Variants in HIVEP2 observed in about 807,000 individuals in gnomAD.
HIVEP2 encodes the protein HIVEP zinc finger 2.
A neutral mutation model predicts 180.7 loss-of-function variants in HIVEP2; 14 were observed. The ratio of observed to expected loss-of-function variants is 0.08; its 90% CI spans 0.05 to 0.12. The LOEUF (loss-of-function observed/expected upper bound fraction) is 0.12, where lower values mean the gene tolerates loss of function less well. Ranked by LOEUF, HIVEP2 falls within the 10% of genes least tolerant of loss-of-function variation. HIVEP2 has a pLI of 1.00. For synonymous variants in HIVEP2, 1,184 were observed against 1,136.4 expected, an observed-to-expected ratio of 1.04 and a Z score of -0.84; for missense variants, 2,579 against 3,008.5, an observed-to-expected ratio of 0.86 and a Z score of 3.34.
At chr6:142,925,036 C>T (rs1439295796) in intron 1 of HIVEP2, among the ~76,000 whole-genome samples, 1 of 152,188 alleles carries the variant, frequency 6.6e-6, no homozygotes, top group African/African-American at 2.4e-5. Context: ...TGTCTATTTA[C>T]TCTCTCTGTT....
In HIVEP2 at chr6:142,778,819, TTAAAA is replaced by T. The variant is rs560581279; in HGVS notation, c.-432-2633_-432-2629del. 2.0e-5 allele frequency among the ~76,000 whole-genome samples: 3 copies of T among 152,172 alleles called. No homozygotes were observed. In the South Asian group the frequency reaches 6.2e-4, roughly 32 times the overall value. On this transcript the variant is annotated intron_variant, in intron 3 of 9. Transcript: ENST00000367603. ...ACTCTCCATTAAGTTTTATTACAACTTAAAATAATACATCTTCAATAATATCTTCA... is the reference window on the plus strand; with the variant it reads ...ACTCTCCATTAAGTTTTATTACAACTTAATACATCTTCAATAATATCTTCA...
intron 2 of HIVEP2, among the ~76,000 whole-genome samples, chr6:142,823,055 A>C (rs1582890830): frequency 6.6e-6 from 1 of 152,194 alleles, no homozygotes. Flanking sequence ...AGGCAGTCTG[A>C]CAGCCAGTCA....
intron 2 of HIVEP2, among the ~76,000 whole-genome samples, chr6:142,793,652 C>CTT (rs1471466492): frequency 3.0e-4 from 19 of 62,912 alleles, no homozygotes; most frequent in Admixed American, 1.8e-3. Flanking sequence ...TTCTTTCTTT[C>CTT]TTTCTTTTTT....
intron 9 of HIVEP2, among the ~76,000 whole-genome samples, chr6:142,756,773 C>A (rs1775082464): frequency 6.6e-6 from 1 of 152,006 alleles, no homozygotes; most frequent in Non-Finnish European, 1.5e-5. Context: ...TCAGTAGATA[C>A]TGAATAAATG....
At chr6:142,900,217 T>C (rs753146397) in intron 1 of HIVEP2, among the ~76,000 whole-genome samples, 1 of 152,176 alleles carries the variant, frequency 6.6e-6, no homozygotes, top group Admixed American at 6.5e-5. Context: ...GGCAAATCAA[T>C]AGTCAAGTGG....
At chr6:142,872,790 G>C (rs544580117) in intron 1 of HIVEP2, among the ~76,000 whole-genome samples, 100 of 152,254 alleles carry the variant, frequency 6.6e-4, no homozygotes, top group African/African-American at 2.3e-3. Flanking sequence ...CCACGATTGA[G>C]GGTCATAAAA....
At chr6:142,793,933 T>G (rs1776221647) in intron 2 of HIVEP2, 2 of 152,164 alleles carry the variant, frequency 1.3e-5, no homozygotes, top group East Asian at 3.9e-4. Flanking sequence ...TCCCAAAGTG[T>G]TGGGATTACA....
At chr6:142,848,586 A>G (rs7758383) in intron 1 of HIVEP2, among the ~76,000 whole-genome samples, 63,497 of 151,788 alleles carry the variant, frequency 0.42, 13,850 homozygotes, top group Non-Finnish European at 0.49. Flanking sequence ...ATTCAACTGG[A>G]GCATGGTGCA....
chr6:142,898,920 G>A (rs141256828), intron 1 of HIVEP2, among the ~76,000 whole-genome samples: 4 of 152,090 alleles, frequency 2.6e-5, no homozygotes, highest in East Asian at 1.9e-4. Flanking sequence ...TTGTTTTTTC[G>A]CTTGAATATT....
chr6:142,874,587 A>G (rs1776379659), intron 1 of HIVEP2, among the ~76,000 whole-genome samples: 1 of 152,172 alleles, frequency 6.6e-6, no homozygotes, highest in Non-Finnish European at 1.5e-5. Flanking sequence ...ACTAACAACT[A>G]GGACAGGAAA....
chr6:142,765,841 T>A (rs1322595973), intron 6 of HIVEP2, among the ~76,000 whole-genome samples: 2 of 152,188 alleles, frequency 1.3e-5, no homozygotes, highest in Non-Finnish European at 2.9e-5. Flanking sequence ...CAATAAAACA[T>A]AATTTGTCAT....
chr6:142,920,656 T>A (rs1002516384), intron 1 of HIVEP2, among the ~76,000 whole-genome samples: 2 of 152,070 alleles, frequency 1.3e-5, no homozygotes, highest in Non-Finnish European at 2.9e-5. Flanking sequence ...GATAAAAAAT[T>A]TTATACTCAG....
chr6:142,825,165 G>A (rs1774849031), intron 2 of HIVEP2, among the ~76,000 whole-genome samples: 2 of 152,030 alleles, frequency 1.3e-5, no homozygotes, highest in African/African-American at 4.8e-5. Flanking sequence ...CTGGATTAAG[G>A]GACTGACTCC....
At chr6:142,809,937 G>A (rs1223368288) in intron 2 of HIVEP2, among the ~76,000 whole-genome samples, 1 of 152,078 alleles carries the variant, frequency 6.6e-6, no homozygotes, top group Non-Finnish European at 1.5e-5. Context: ...AATCATCATT[G>A]TTAACAAACC....
At chr6:142,793,678 TCTCTCTC>T (rs1776211129) in intron 2 of HIVEP2, among the ~76,000 whole-genome samples, 2 of 142,608 alleles carry the variant, frequency 1.4e-5, no homozygotes, top group Admixed American at 7.0e-5. Context: ...TTTCTTTCTC[TCTCTCTC>T]TCTCTCTCTC....
chr6:142,855,170 G>A (rs1775786874), intron 1 of HIVEP2, among the ~76,000 whole-genome samples: 1 of 152,158 alleles, frequency 6.6e-6, no homozygotes, highest in African/African-American at 2.4e-5. Context: ...GAGTGTCTGT[G>A]GGCTACAATA....
intron 2 of HIVEP2, among the ~76,000 whole-genome samples, chr6:142,795,901 C>T (rs974303970): frequency 1.3e-5 from 2 of 152,106 alleles, no homozygotes; most frequent in Non-Finnish European, 2.9e-5. Flanking sequence ...GGTTTAAGAT[C>T]CCATCTGCCA....
intron 2 of HIVEP2, among the ~76,000 whole-genome samples, chr6:142,809,148 A>C (rs1776628192): frequency 6.6e-6 from 1 of 152,146 alleles, no homozygotes; most frequent in Non-Finnish European, 1.5e-5. Flanking sequence ...AGGGATGAAT[A>C]CTAGATATGA....
rs1474776725 is a variant in HIVEP2 at position 142,771,249 on chromosome 6, G to C, written c.3490C>G (p.Gln1164Glu). The change falls in exon 5 of 10, where the codon CAG (glutamine) becomes GAG (glutamate). Residue 1164 changes from glutamine to glutamate, a missense_variant. Physicochemically the swap from Gln to Glu is conservative, Grantham distance 29 (BLOSUM62 2). Coordinates refer to ENST00000367603, the MANE Select transcript of HIVEP2 (RefSeq NM_006734.4). This position sits in a 1 kb window ranked among gnomAD's most constrained non-coding sequence, Gnocchi z 5.4. ...AQPQIMHMDS[Q>E]ESLRNPLIQP... ...ATCAAGGGATTTCTCAAAGATTCCT[G>C]ACTGTCCATGTGCATGATCTGTGGC... 1 of 1,614,078 alleles carries C rather than the reference G, an allele frequency of 6.2e-7. No homozygotes were observed. The highest frequency in any genetic ancestry group is 1.7e-5 in the Admixed American group (1 of 60,026).
Sources: gnomAD v4.1 joint callset for allele counts (sites outside exome capture counted in the v4.1 genomes callset) on GRCh38, gnomAD v4.1.1 for gene constraint, Gnocchi (gnomAD v3.1) non-coding constraint, MANE v1.5 for transcripts, NCBI Gene and HGNC (gene_info 2026-07-23, HGNC 2026-07-21) for gene names.